The following MMP26 variants were observed in gnomAD, a reference collection of about 807,000 sequenced individuals.
MMP26 encodes matrix metallopeptidase 26.
A neutral mutation model predicts 31.0 loss-of-function variants in MMP26; 33 were observed. The observed-to-expected ratio is 1.06, with a 90% CI of 0.81 to 1.42. The LOEUF (loss-of-function observed/expected upper bound fraction) is 1.42, where lower values mean the gene tolerates loss of function less well. Ranked by LOEUF, MMP26 falls within the 40% of genes most tolerant of loss-of-function variation. The pLI, the probability that MMP26 is intolerant of heterozygous loss-of-function variation, is 0.00. For synonymous variants in MMP26, 122 were observed against 114.9 expected (o/e 1.06, Z -0.40); for missense variants, 347 against 316.1 (o/e 1.10, Z -0.74).
chr11:4,964,799 T>C (rs1295676902), intron 2 of MMP26, among the ~76,000 whole-genome samples: 1 of 152,146 alleles, frequency 6.6e-6, no homozygotes, highest in African/African-American at 2.4e-5. Flanking sequence ...CCATTATCAT[T>C]AGCAAATTAC....
intron 1 of MMP26, among the ~76,000 whole-genome samples, chr11:4,724,895 A>T (rs1397671566): frequency 6.6e-6 from 1 of 152,350 alleles, no homozygotes; most frequent in East Asian, 1.9e-4. Context: ...ATAGACTGAT[A>T]TGGTTTGGAT....
intron 2 of MMP26, among the ~76,000 whole-genome samples, chr11:4,771,713 G>A (rs1233244116): frequency 2.0e-5 from 3 of 152,132 alleles, no homozygotes; most frequent in Non-Finnish European, 4.4e-5. Context: ...AAGGATACAA[G>A]TTACTGTTCC....
At chr11:4,755,623 G>C (rs1589891502) in intron 1 of MMP26, among the ~76,000 whole-genome samples, 1 of 152,022 alleles carries the variant, frequency 6.6e-6, no homozygotes, top group South Asian at 2.1e-4. Flanking sequence ...AAATAAAACA[G>C]CACATTTTGG....
intron 2 of MMP26, among the ~76,000 whole-genome samples, chr11:4,835,171 TC>T (rs151058013): frequency 7.0e-6 from 1 of 142,768 alleles, no homozygotes; most frequent in African/African-American, 2.7e-5. Context: ...AATATCTCCC[TC>T]CCCCCTCTCT....
chr11:4,769,325 C>T lies in MMP26; in HGVS notation c.-145+1984C>T, dbSNP rs749009953. On this transcript the variant is annotated intron_variant, in intron 2 of 7. Coordinates refer to ENST00000380390, the MANE Select transcript of MMP26 (RefSeq NM_021801.5). ...GATGAGATCAATTAATCCACAGATG[C>T]TATTTGCCCGAATGTCTGAACATGC... is the stretch of plus-strand genomic sequence containing the variant. 2.5e-6 allele frequency: 4 copies of T among 1,613,382 alleles called. No homozygotes were observed. The highest frequency in any genetic ancestry group is 2.2e-5 in the South Asian group (2 of 91,076).
intron 2 of MMP26, among the ~76,000 whole-genome samples, chr11:4,823,131 A>C (rs998564683): frequency 2.6e-5 from 4 of 152,142 alleles, no homozygotes; most frequent in Admixed American, 6.6e-5. Flanking sequence ...TAGCAATGGC[A>C]GAGCAAAGGC....
At chr11:4,722,988 T>C in intron 1 of MMP26, 1 of 847,994 alleles carries the variant, frequency 1.2e-6, no homozygotes, top group South Asian at 1.3e-5. Flanking sequence ...TCCAGCCGGC[T>C]CTCCTCGCCA....
At chr11:4,919,041 A>G (rs1218871893) in intron 2 of MMP26, 4 of 152,178 alleles carry the variant, frequency 2.6e-5, no homozygotes, top group South Asian at 4.1e-4. Flanking sequence ...TGCTGTTACC[A>G]TATAGGAGGC....
intron 2 of MMP26, among the ~76,000 whole-genome samples, chr11:4,891,472 C>T (rs575949538): frequency 1.2e-4 from 19 of 152,266 alleles, no homozygotes; most frequent in African/African-American, 4.1e-4. Flanking sequence ...CACCAACCCC[C>T]ATCTCCAACA....
intron 2 of MMP26, among the ~76,000 whole-genome samples, chr11:4,880,185 A>G (rs1354344363): frequency 1.3e-5 from 2 of 152,058 alleles, no homozygotes; most frequent in East Asian, 1.9e-4. Flanking sequence ...TGGGGACTCT[A>G]CTAGGCTGCC....
chr11:4,860,730 G>T, intron 2 of MMP26: 1 of 298,094 alleles, frequency 3.4e-6, no homozygotes. Flanking sequence ...GTAACACTGT[G>T]TCTTTTTCCT....
At position 4,704,966 on chromosome 11, in the gene MMP26, C is replaced by T. The variant is rs57437632; in HGVS notation, c.-296C>T. Reference sequence around the variant, plus strand: ...TTGCTTTGCATTAATAGATTCTCTGCTGTGTGGGATGATCCTTCAAATAGC... The same window carrying T: ...TTGCTTTGCATTAATAGATTCTCTGTTGTGTGGGATGATCCTTCAAATAGC... On this transcript the variant is annotated 5_prime_UTR_variant, in exon 1 of 8. Transcript: ENST00000380390. 4,700 of 152,276 alleles carry T rather than the reference C, an allele frequency of 0.031. 218 individuals carry two copies. Among genetic ancestry groups the T allele is most frequent in the East Asian group, 0.24 (1,240 of 5,174 alleles). The allele number at this position is 152,276 out of a possible 1,614,324, so 9.4% of individuals were successfully genotyped here.
intron 1 of MMP26, chr11:4,712,046 A>T (rs1847869443): frequency 6.6e-6 from 1 of 152,160 alleles, no homozygotes; most frequent in Admixed American, 6.5e-5. Context: ...GAAAATGGGC[A>T]TTGGACTTTG....
chr11:4,821,610 T>C (rs757363176), intron 2 of MMP26: 23 of 1,613,882 alleles, frequency 1.4e-5, no homozygotes, highest in Non-Finnish European at 1.9e-5. Flanking sequence ...CTATGTACTA[T>C]TTCCTCTCTA....
At chr11:4,755,240 GA>G (rs5789340) in intron 1 of MMP26, among the ~76,000 whole-genome samples, 151,867 of 151,898 alleles carry the variant, frequency 1, 75,918 homozygotes, top group Middle Eastern at 1. Flanking sequence ...AAAGAAAAAA[GA>G]AAAAAAACAC....
At chr11:4,923,337 G>C in intron 2 of MMP26, 1 of 1,516,092 alleles carries the variant, frequency 6.6e-7, no homozygotes, top group Non-Finnish European at 8.8e-7. Context: ...AGAAACCTGT[G>C]GGCTTTATGT....
rs763183844 is a variant in MMP26 at position 4,724,041 on chromosome 11, G to T, written c.-217+18996G>T. 6.9e-5 allele frequency: 46 copies of T among 667,736 alleles called. No homozygotes were observed. In the Admixed American group the frequency reaches 6.9e-4, roughly 10 times the overall value. 41.4% of individuals were successfully genotyped at this position (667,736 alleles called of 1,614,324 possible). Reference sequence around the variant, plus strand: ...CTCCACCCAGGCTACCCCGGAAGCTGCTGGTACCACTGGGGAAAAGCTTGA... The same window carrying T: ...CTCCACCCAGGCTACCCCGGAAGCTTCTGGTACCACTGGGGAAAAGCTTGA... On this transcript the variant is annotated intron_variant, in intron 1 of 7. Transcript: ENST00000380390.
intron 1 of MMP26, among the ~76,000 whole-genome samples, chr11:4,751,831 A>G (rs1848449879): frequency 6.6e-6 from 1 of 152,164 alleles, no homozygotes; most frequent in Non-Finnish European, 1.5e-5. Context: ...GGAACAAGGT[A>G]ACTAAGATAG....
chr11:4,992,118 T>C lies in MMP26; in HGVS notation c.750T>C (p.His250=), dbSNP rs1847016482. The change falls in exon 7 of 8, where the codon CAT becomes CAC. Residue 250 remains histidine (H), a synonymous_variant. Coordinates refer to ENST00000380390, the MANE Select transcript of MMP26 (RefSeq NM_021801.5). ...CCGATGATATCCAAAGGATCCAGCA[T>C]TTGTATGGTCTGTGCTGCTTAAGGA... The part of the protein sequence containing the change: ...LSADDIQRIQ[H]LYGEKCSSDI... 6.2e-7 allele frequency: 1 copy of C among 1,613,244 alleles called. No homozygotes were observed. The highest frequency in any genetic ancestry group is 8.5e-7 in the Non-Finnish European group (1 of 1,179,728).
Sources: allele counts gnomAD v4.1 joint callset (sites outside exome capture counted in the v4.1 genomes callset), GRCh38; gene constraint gnomAD v4.1.1; transcripts MANE v1.5; gene names NCBI Gene and HGNC (gene_info 2026-07-23, HGNC 2026-07-21).